The following DHX40 variants were observed in gnomAD, a reference collection of about 807,000 sequenced individuals.
The protein encoded by DHX40 is probable ATP-dependent RNA helicase DHX40.
A neutral mutation model predicts 89.6 loss-of-function variants in DHX40; 28 were observed. That is an observed-to-expected ratio of 0.31 (90% CI 0.23 to 0.43). The LOEUF (loss-of-function observed/expected upper bound fraction) is 0.43. Ranked by LOEUF, DHX40 falls within the 20% of genes least tolerant of loss-of-function variation. DHX40 has a pLI of 1.00. For missense variants in DHX40, 457 were observed against 844.0 expected (o/e 0.54, Z 5.68); for synonymous variants, 226 against 283.6 (o/e 0.80, Z 2.04).
intron 17 of DHX40, 54 bp from the exon 18 acceptor site, chr17:59,606,979 C>T: frequency 6.8e-7 from 1 of 1,476,720 alleles, no homozygotes; most frequent in Non-Finnish European, 9.3e-7. Context: ...CTTAACATTT[C>T]TAGTACTGAA....
rs1419968676 is a variant in DHX40 at position 59,605,118 on chromosome 17, T to C, written c.1905T>C (p.Ser635=). The part of the protein sequence containing the change: ...AGYFKNVARR[S]VGRTFCTMDG... The stretch of plus-strand genomic sequence containing the variant: ...CATTTTGTTTTTCTGTTTATAGATC[T>C]GTTGGGAGAACGTTTTGCACAATGG... Residue 635 remains serine (S), a synonymous_variant, in exon 16 of 18, where the codon TCT becomes TCC. Transcript: ENST00000251241. 1 of 1,613,984 alleles carries C rather than the reference T, an allele frequency of 6.2e-7. No homozygotes were observed. Among genetic ancestry groups the C allele is most frequent in the African/African-American group, 1.3e-5 (1 of 74,932 alleles).
At chr17:59,603,706 A>C (rs1427894718) in intron 15 of DHX40, 3 of 152,240 alleles carry the variant, frequency 2.0e-5, no homozygotes, top group African/African-American at 2.4e-5. Flanking sequence ...CTCTCCATAA[A>C]ATTTTTGTTA....
At chr17:59,605,303 A>C (rs974487446) in intron 16 of DHX40, 119 bp downstream of exon 16, 1 of 1,251,086 alleles carries the variant, frequency 8.0e-7, no homozygotes, top group African/African-American at 1.5e-5. Context: ...TATTACATAG[A>C]TCTATAAGGG....
intron 1 of DHX40, among the ~76,000 whole-genome samples, chr17:59,566,182 T>A (rs1351831922): frequency 6.6e-6 from 1 of 152,116 alleles, no homozygotes; most frequent in Non-Finnish European, 1.5e-5. Flanking sequence ...CACTTGGCCT[T>A]CTGGGATATC....
chr17:59,605,302 G>T, intron 16 of DHX40, 118 bp downstream of exon 16: 1 of 1,248,050 alleles, frequency 8.0e-7, no homozygotes, highest in Admixed American at 2.1e-5. Flanking sequence ...ATATTACATA[G>T]ATCTATAAGG....
chr17:59,565,769 G>T lies in DHX40; in HGVS notation c.98G>T (p.Cys33Phe), dbSNP rs755438586. ...DLQEERLSAV[C>F]IADREEKGCT... ...CAGGAAGAGCGGCTCTCGGCTGTTT[G>T]CATCGCCGATAGAGGTGCGGTCCGC... The change falls in exon 1 of 18, where the codon TGC becomes TTC. Residue 33 changes from cysteine (C) to phenylalanine (F), a missense_variant. By Grantham distance (205) the Cys-to-Phe change is radical. This residue lies in a region of DHX40 where 75 missense variants were observed against 76.8 expected (regional missense o/e 0.98). Transcript: ENST00000251241. The T allele has an allele frequency of 3.1e-6, 5 of 1,602,336 alleles. No homozygotes were observed. The highest frequency in any genetic ancestry group is 4.2e-6 in the Non-Finnish European group (5 of 1,178,028).
In DHX40 at chr17:59,586,054, T is replaced by C. The variant is rs146456764; in HGVS notation, c.1344-99T>C. 2.9e-3 allele frequency: 2,396 copies of C among 819,158 alleles called. 36 individuals are homozygous for C. In the African/African-American group the frequency reaches 0.035, roughly 12 times the overall value. The allele number at this position is 819,158 out of a possible 1,614,324, so 50.7% of individuals were successfully genotyped here. ...TAGAAAAAGAAGATGACTTGAAAAA[T>C]AGAAATAAAACCTTTTAAAGAAATT... On this transcript the variant is annotated intron_variant, in intron 10 of 17. Coordinates refer to ENST00000251241, the MANE Select transcript of DHX40 (RefSeq NM_024612.5).
intron 16 of DHX40, 34 bp downstream of exon 16, chr17:59,605,218 T>C (rs756396917): frequency 1.3e-6 from 2 of 1,591,328 alleles, no homozygotes; most frequent in East Asian, 4.5e-5. Context: ...GGGAAGAAAT[T>C]TGTAAAGTTG....
intron 3 of DHX40, among the ~76,000 whole-genome samples, chr17:59,572,100 C>G (rs750356837): frequency 4.6e-5 from 7 of 152,134 alleles, no homozygotes; most frequent in Non-Finnish European, 7.3e-5. Flanking sequence ...ATTCATGGCA[C>G]CAACAAATTT....
At chr17:59,595,332 C>T (rs1244714160) in intron 12 of DHX40, among the ~76,000 whole-genome samples, 3 of 152,120 alleles carry the variant, frequency 2.0e-5, no homozygotes, top group Non-Finnish European at 4.4e-5. Context: ...ATCCTCCTGC[C>T]TCGGCCTCCC....
chr17:59,573,238 G>A lies in DHX40; in HGVS notation c.546+3G>A. On this transcript the variant is annotated splice_donor_region_variant and intron_variant, in intron 4 of 17. Transcript: ENST00000251241. ...CCCATGAAAGAACTCTAACTACAGTGAGTATTTTAATTTATTATTATTTTT... is the reference window on the plus strand; with the variant it reads ...CCCATGAAAGAACTCTAACTACAGTAAGTATTTTAATTTATTATTATTTTT... The A allele has an allele frequency of 3.8e-6, 6 of 1,594,524 alleles. No individual in the cohort carries two copies. The highest frequency in any genetic ancestry group is 5.1e-6 in the Non-Finnish European group (6 of 1,173,820).
At chr17:59,594,739 T>C (rs1674038327) in intron 12 of DHX40, among the ~76,000 whole-genome samples, 1 of 152,148 alleles carries the variant, frequency 6.6e-6, no homozygotes, top group South Asian at 2.1e-4. Flanking sequence ...TTATCTGTTA[T>C]GCTTTGATCT....
intron 2 of DHX40, 134 bp downstream of exon 2, chr17:59,566,928 C>T (rs2048713615): frequency 4.2e-6 from 3 of 707,070 alleles, no homozygotes; most frequent in East Asian, 3.3e-5. Flanking sequence ...ACCCCCTTCC[C>T]CTATGTCTCC....
intron 12 of DHX40, among the ~76,000 whole-genome samples, chr17:59,588,334 C>T (rs980702411): frequency 3.0e-4 from 45 of 151,070 alleles, no homozygotes; most frequent in Admixed American, 2.8e-3. Flanking sequence ...CATTCATCCC[C>T]TCAACCTCCC....
At chr17:59,572,054 A>G (rs1027343008) in intron 3 of DHX40, among the ~76,000 whole-genome samples, 3 of 152,254 alleles carry the variant, frequency 2.0e-5, no homozygotes, top group South Asian at 2.1e-4. Context: ...AAATCAGCCA[A>G]TTAACAAAAT....
chr17:59,569,559 G>C (rs1195705982), intron 2 of DHX40, among the ~76,000 whole-genome samples: 1 of 146,132 alleles, frequency 6.8e-6, no homozygotes, highest in African/African-American at 2.5e-5. Context: ...GGTGGCAAGC[G>C]CCTGTAATCC....
chr17:59,566,939 T>C, intron 2 of DHX40, 145 bp downstream of exon 2: 1 of 675,796 alleles, frequency 1.5e-6, no homozygotes. Flanking sequence ...CTATGTCTCC[T>C]TTGCTTCTTT....
intron 4 of DHX40, 109 bp from the exon 5 acceptor site, chr17:59,573,631 T>A (rs1455242269): frequency 1.6e-6 from 2 of 1,233,430 alleles, no homozygotes; most frequent in Non-Finnish European, 2.3e-6. Flanking sequence ...CTCCTACTTA[T>A]ATTTTAATGT....
chr17:59,577,147 G>C, intron 7 of DHX40, 119 bp from the exon 8 acceptor site: 1 of 791,894 alleles, frequency 1.3e-6, no homozygotes, highest in Non-Finnish European at 2.1e-6. Context: ...GGGATTACAG[G>C]CGTGAGTCAC....
Sources: gnomAD v4.1 joint callset for allele counts (sites outside exome capture counted in the v4.1 genomes callset) on GRCh38, gnomAD v4.1.1 for gene constraint, gnomAD v4.1.1 regional missense constraint, MANE v1.5 for transcripts, NCBI Gene and HGNC (gene_info 2026-07-23, HGNC 2026-07-21) for gene names.